Variants in FAM24A observed in about 807,000 individuals in gnomAD.
The protein encoded by FAM24A is protein FAM24A.
In FAM24A, 2 loss-of-function variants were observed where a neutral mutation model predicts 2.8. The observed-to-expected ratio is 0.73, with a 90% confidence interval of 0.30 to 2.28. The LOEUF (loss-of-function observed/expected upper bound fraction) is 2.28. Among genes scored for constraint, FAM24A ranks in the 30% most tolerant of loss-of-function variants. FAM24A has a pLI of 0.12. For synonymous variants in FAM24A, 46 were observed against 47.5 expected, an observed-to-expected ratio of 0.97 and a Z score of 0.13; for missense variants, 109 against 132.0, an observed-to-expected ratio of 0.83 and a Z score of 0.85.
intron 1 of FAM24A, among the ~76,000 whole-genome samples, chr10:122,911,025 G>A (rs889095858): frequency 6.6e-6 from 1 of 152,138 alleles, no homozygotes; most frequent in African/African-American, 2.4e-5. Context: ...GAATAAGCTG[G>A]CTCCTGGTCT....
At position 122,912,904 on chromosome 10, in the gene FAM24A, A is replaced by T; in HGVS notation, c.268A>T (p.Ser90Cys). The change falls in exon 3 of 3, where the codon AGT becomes TGT. Residue 90 changes from serine (S) to cysteine (C), a missense_variant. Coordinates refer to ENST00000368894, the MANE Select transcript of FAM24A (RefSeq NM_001029888.3). ...QCCEGCRMHA[S>C]SDSLPPCCCD... The stretch of plus-strand genomic sequence containing the variant: ...CTGTGAAGGTTGTAGAATGCATGCC[A>T]GTTCTGATTCCCTGCCACCTTGCTG... 6.2e-7 allele frequency: 1 copy of T among 1,613,640 alleles called. No homozygotes were observed. Among genetic ancestry groups the T allele is most frequent in the Non-Finnish European group, 8.5e-7 (1 of 1,179,850 alleles).
rs1158533456 is a variant in FAM24A at position 122,910,788 on chromosome 10, G to A, written c.-34G>A. ...TCCCTTAATTTTATTGTTACAATTG[G>A]CCTTCATCTAGCTCTGGATGGTTGA... On this transcript the variant is annotated 5_prime_UTR_variant, in exon 1 of 3. Transcript: ENST00000368894. 3.3e-5 allele frequency: 5 copies of A among 152,158 alleles called. No homozygotes were observed. Among genetic ancestry groups the A allele is most frequent in the Admixed American group, 6.5e-5 (1 of 15,268 alleles). 9.4% of individuals were successfully genotyped at this position (152,158 alleles called of 1,614,324 possible).
chr10:122,910,657 T>C lies in FAM24A; in HGVS notation c.-165T>C, dbSNP rs1848308526. On this transcript the variant is annotated 5_prime_UTR_variant, in exon 1 of 3. Coordinates refer to ENST00000368894, the MANE Select transcript of FAM24A (RefSeq NM_001029888.3). ...CTGAGCTTCCAAAAGTGAGCTGAGC[T>C]GTTCAACCTTGGATCTTAATTACTC... 1 of 152,218 alleles carries C rather than the reference T, an allele frequency of 6.6e-6. No homozygotes were observed. Among genetic ancestry groups the C allele is most frequent in the African/African-American group, 2.4e-5 (1 of 41,468 alleles). 9.4% of individuals were successfully genotyped at this position (152,218 alleles called of 1,614,324 possible). A position where few individuals can be genotyped will look rare whatever the true frequency, so the allele number is the denominator to read the frequency against.
At chr10:122,911,558 T>C (rs1477104540) in intron 1 of FAM24A, 75 bp from the exon 2 acceptor site, 23 of 1,580,150 alleles carry the variant, frequency 1.5e-5, no homozygotes, top group Non-Finnish European at 1.5e-5. Flanking sequence ...TCACTCTTCC[T>C]CTACTAACGG....
intron 1 of FAM24A, among the ~76,000 whole-genome samples, chr10:122,911,371 A>G (rs910549085): frequency 1.3e-5 from 2 of 152,198 alleles, no homozygotes; most frequent in Admixed American, 6.5e-5. Flanking sequence ...GCTGCACATC[A>G]TGCCTGTGAG....
intron 2 of FAM24A, 136 bp downstream of exon 2, chr10:122,911,895 A>T: frequency 2.5e-6 from 3 of 1,180,110 alleles, no homozygotes; most frequent in Non-Finnish European, 3.6e-6. Context: ...CAGTTTTGAA[A>T]AGGCAGAAAT....
rs148548099 is a variant in FAM24A, at chr10:122,910,776, T to C, written c.-46T>C. Reference sequence around the variant, plus strand: ...TAGAGGTTTTTTTCCCTTAATTTTATTGTTACAATTGGCCTTCATCTAGCT... The same window carrying C: ...TAGAGGTTTTTTTCCCTTAATTTTACTGTTACAATTGGCCTTCATCTAGCT... On this transcript the variant is annotated 5_prime_UTR_variant, in exon 1 of 3. Coordinates refer to ENST00000368894, the MANE Select transcript of FAM24A (RefSeq NM_001029888.3). The C allele has an allele frequency of 5.4e-4, 83 of 152,346 alleles. No individual in the cohort carries two copies. Among genetic ancestry groups the C allele is most frequent in the African/African-American group, 1.9e-3 (77 of 41,582 alleles). The allele number at this position is 152,346 out of a possible 1,614,324, so 9.4% of individuals were successfully genotyped here. A position where few individuals can be genotyped will look rare whatever the true frequency, so the allele number is the denominator to read the frequency against.
At chr10:122,912,729 T>A (rs1388392761) in intron 2 of FAM24A, 33 bp from the exon 3 acceptor site, 1 of 1,584,190 alleles carries the variant, frequency 6.3e-7, no homozygotes, top group South Asian at 1.2e-5. Context: ...GAAGAAAAAT[T>A]CTAAGCCTGA....
Position 122,911,692 on chromosome 10 carries a change from C to T in FAM24A, c.58C>T (p.Leu20=). 1.9e-6 allele frequency: 3 copies of T among 1,614,172 alleles called. No individual in the cohort carries two copies. The highest frequency in any genetic ancestry group is 2.5e-6 in the Non-Finnish European group (3 of 1,180,026). ...CATGATCGGCATCGGAAGCAGCTTA[C>T]TGGTTGCCGCGATGGTGCTCCTAAG... is the stretch of plus-strand genomic sequence containing the variant. The part of the protein sequence containing the change: ...KIMIGIGSSL[L]VAAMVLLSVV... The change falls in exon 2 of 3, where the codon CTG becomes TTG. Residue 20 remains leucine (L), a synonymous_variant. Transcript: ENST00000368894.
intron 2 of FAM24A, 72 bp downstream of exon 2, chr10:122,911,831 C>T (rs1848323164): frequency 1.9e-6 from 3 of 1,585,040 alleles, no homozygotes; most frequent in Non-Finnish European, 2.6e-6. Context: ...TGAGCAAGGT[C>T]ATTCCTTTCT....
rs1848333454 is a variant in FAM24A at position 122,912,847 on chromosome 10, A to G, written c.211A>G (p.Thr71Ala). The G allele has an allele frequency of 6.2e-7, 1 of 1,614,172 alleles. No homozygotes were observed. The highest frequency in any genetic ancestry group is 2.2e-5 in the East Asian group (1 of 44,872). ...CWATNSQAKA[T>A]TMESCPSLQC... ...GGCCACGAACAGCCAGGCCAAAGCC[A>G]CCACCATGGAGTCTTGTCCATCTCT... The change falls in exon 3 of 3, where the codon ACC becomes GCC. Residue 71 changes from threonine to alanine, a missense_variant. Thr to Ala is a moderately conservative substitution (Grantham distance 58, BLOSUM62 0). Transcript: ENST00000368894.
At position 122,911,665 on chromosome 10, in the gene FAM24A, A is replaced by G; in HGVS notation, c.31A>G (p.Ile11Val). 1 of 1,614,094 alleles carries G rather than the reference A, an allele frequency of 6.2e-7. No homozygotes were observed. The highest frequency in any genetic ancestry group is 8.5e-7 in the Non-Finnish European group (1 of 1,180,028). The part of the protein sequence containing the change: MAKMFDLRTK[I>V]MIGIGSSLLV... ...AAAGATGTTTGATCTCAGGACGAAG[A>G]TCATGATCGGCATCGGAAGCAGCTT... is the stretch of plus-strand genomic sequence containing the variant. Residue 11 changes from isoleucine to valine, a missense_variant, in exon 2 of 3, where the codon ATC (isoleucine) becomes GTC (valine). Ile to Val is a conservative substitution (Grantham distance 29). Transcript: ENST00000368894.
intron 2 of FAM24A, 58 bp downstream of exon 2, chr10:122,911,817 T>C (rs1378868085): frequency 2.0e-5 from 32 of 1,602,934 alleles, no homozygotes; most frequent in Non-Finnish European, 2.6e-5. Flanking sequence ...CTGGACTCCC[T>C]ATTTGAGCAA....
chr10:122,912,197 T>C (rs541514513), intron 2 of FAM24A, among the ~76,000 whole-genome samples: 2 of 152,320 alleles, frequency 1.3e-5, no homozygotes, highest in East Asian at 1.9e-4. Flanking sequence ...ATGGGCTGGA[T>C]TGATCTCCTC....
Position 122,913,060 on chromosome 10 carries a change from T to C in FAM24A, c.*106T>C. The stretch of plus-strand genomic sequence containing the variant: ...AGAGTGTTTACATACTATTATATAA[T>C]GTACAGTGTTATTTTCTGTACTTCT... On this transcript the variant is annotated 3_prime_UTR_variant, in exon 3 of 3. Transcript: ENST00000368894. The C allele has an allele frequency of 1.0e-6, 1 of 957,352 alleles. No homozygotes were observed. The highest frequency in any genetic ancestry group is 1.5e-6 in the Non-Finnish European group (1 of 670,280). 59.3% of individuals were successfully genotyped at this position (957,352 alleles called of 1,614,324 possible).
intron 2 of FAM24A, 47 bp downstream of exon 2, chr10:122,911,806 C>T (rs752516415): frequency 6.2e-7 from 1 of 1,608,916 alleles, no homozygotes; most frequent in Non-Finnish European, 8.5e-7. Flanking sequence ...AAATGGGATA[C>T]CTGGACTCCC....
Position 122,911,760 on chromosome 10 carries a change from G to C in FAM24A, c.125+1G>C, listed in dbSNP as rs764344666. On this transcript the variant is annotated splice_donor_variant, in intron 2 of 2. Coordinates refer to ENST00000368894, the MANE Select transcript of FAM24A (RefSeq NM_001029888.3). LOFTEE classifies it high-confidence loss of function. ...ACTTCAAAGTAGCTAAGGCACTAAA[G>C]TGAGTCATGTGGGGGAAAATGAATT... 1 of 1,614,092 alleles carries C rather than the reference G, an allele frequency of 6.2e-7. No homozygotes were observed. The highest frequency in any genetic ancestry group is 1.1e-5 in the South Asian group (1 of 91,066).
intron 2 of FAM24A, among the ~76,000 whole-genome samples, chr10:122,911,977 T>G (rs764190407): frequency 8.5e-5 from 13 of 152,222 alleles, no homozygotes; most frequent in Non-Finnish European, 1.5e-4. Flanking sequence ...AGGCTGTGAG[T>G]GTCAGTGGTG....
chr10:122,912,694 C>G (rs1848331007), intron 2 of FAM24A, 68 bp from the exon 3 acceptor site: 3 of 1,484,582 alleles, frequency 2.0e-6, no homozygotes, highest in African/African-American at 2.8e-5. Flanking sequence ...CCAGATACCC[C>G]CAACAATTCT....
Sources: gnomAD v4.1 joint callset for allele counts (sites outside exome capture counted in the v4.1 genomes callset) on GRCh38, gnomAD v4.1.1 for gene constraint, MANE v1.5 for transcripts, NCBI Gene and HGNC (gene_info 2026-07-23, HGNC 2026-07-21) for gene names.